Variants in HSD17B3 observed in about 807,000 individuals in gnomAD.
HSD17B3 encodes 17-beta-hydroxysteroid dehydrogenase type 3.
A neutral mutation model predicts 41.1 loss-of-function variants in HSD17B3; 29 were observed. The ratio of observed to expected loss-of-function variants is 0.71; its 90% CI spans 0.53 to 0.96. The LOEUF (loss-of-function observed/expected upper bound fraction) is 0.96. Ranked by LOEUF, HSD17B3 falls within the 40% of genes least tolerant of loss-of-function variation. HSD17B3 has a pLI of 0.00. For missense variants in HSD17B3, 323 were observed against 374.6 expected, an observed-to-expected ratio of 0.86 and a Z score of 1.14; for synonymous variants, 126 against 145.6, an observed-to-expected ratio of 0.87 and a Z score of 0.97.
chr9:96,280,312 G>A (rs1826638955), intron 2 of HSD17B3, among the ~76,000 whole-genome samples: 1 of 152,164 alleles, frequency 6.6e-6, no homozygotes, highest in Non-Finnish European at 1.5e-5. Flanking sequence ...AGAAGTGCCT[G>A]TACAACATTT....
At chr9:96,241,965 G>GAAAGAAAGAA (rs1554692353) in intron 9 of HSD17B3, among the ~76,000 whole-genome samples, 1 of 92,708 alleles carries the variant, frequency 1.1e-5, no homozygotes, top group Non-Finnish European at 2.2e-5. Context: ...AACAGAAAAA[G>GAAAGAAAGAA]AAAGAAAGAA....
chr9:96,245,231 G>C (rs1034359038), intron 8 of HSD17B3, 114 bp downstream of exon 8: 6 of 846,100 alleles, frequency 7.1e-6, no homozygotes, highest in Non-Finnish European at 1.2e-5. Flanking sequence ...CTGCACATAA[G>C]AGAGCATCTC....
chr9:96,266,347 A>T (rs1826042820), intron 2 of HSD17B3, among the ~76,000 whole-genome samples: 1 of 152,176 alleles, frequency 6.6e-6, no homozygotes, highest in Non-Finnish European at 1.5e-5. Flanking sequence ...ACCTAGGCTC[A>T]CCACAGCCTT....
intron 6 of HSD17B3, among the ~76,000 whole-genome samples, chr9:96,248,840 T>C (rs947971233): frequency 7.9e-5 from 12 of 152,186 alleles, no homozygotes; most frequent in African/African-American, 2.9e-4. Context: ...TACATCTTTG[T>C]GCAGCTGACC....
At chr9:96,259,774 A>G (rs897633646) in intron 2 of HSD17B3, among the ~76,000 whole-genome samples, 11 of 152,232 alleles carry the variant, frequency 7.2e-5, no homozygotes, top group African/African-American at 2.4e-4. Context: ...GAAGCCCTCA[A>G]TTGTGTTACT....
chr9:96,268,827 T>C (rs1432849871), intron 2 of HSD17B3, among the ~76,000 whole-genome samples: 1 of 152,094 alleles, frequency 6.6e-6, no homozygotes, highest in African/African-American at 2.4e-5. Context: ...TGCACCCCTG[T>C]AATCCCAGCT....
rs958813661 is a variant in HSD17B3 at position 96,265,610 on chromosome 9, A to G, written c.202-10667T>C. ...TTATGGTATTTTCAAGAGATAGCCTAAAAGAGAAAGTTAAAGTGAAAAGAA... is the reference window on the plus strand; with the variant it reads ...TTATGGTATTTTCAAGAGATAGCCTGAAAGAGAAAGTTAAAGTGAAAAGAA... On this transcript the variant is annotated intron_variant, in intron 2 of 10. Coordinates refer to ENST00000375263, the MANE Select transcript of HSD17B3 (RefSeq NM_000197.2). 2.8e-4 allele frequency among the ~76,000 whole-genome samples: 42 copies of G among 152,346 alleles called. 1 individual carries two copies. Among genetic ancestry groups the G allele is most frequent in the Admixed American group, 3.9e-4 (6 of 15,298 alleles).
chr9:96,257,338 T>G (rs1469124013), intron 2 of HSD17B3, among the ~76,000 whole-genome samples: 1 of 152,158 alleles, frequency 6.6e-6, no homozygotes, highest in Non-Finnish European at 1.5e-5. Context: ...TTGTAGAAGA[T>G]TCCAACAATG....
chr9:96,259,389 G>T (rs977584252), intron 2 of HSD17B3, among the ~76,000 whole-genome samples: 2 of 152,164 alleles, frequency 1.3e-5, no homozygotes, highest in East Asian at 1.9e-4. Context: ...ATCAGCGCAA[G>T]TCAGTTGTTG....
intron 2 of HSD17B3, among the ~76,000 whole-genome samples, chr9:96,259,300 A>G (rs7039978): frequency 0.57 from 86,456 of 152,046 alleles, 26,400 homozygotes; most frequent in African/African-American, 0.79. Flanking sequence ...CACTGCCATG[A>G]TGACCTGAAT....
chr9:96,237,033 A>C (rs1836262419), intron 10 of HSD17B3, among the ~76,000 whole-genome samples: 1 of 152,174 alleles, frequency 6.6e-6, no homozygotes, highest in Non-Finnish European at 1.5e-5. Context: ...TCTGGGAGCC[A>C]AAGCTGACCT....
Position 96,302,135 on chromosome 9 carries a change from G to C in HSD17B3, c.-31C>G. The C allele has an allele frequency of 6.2e-7, 1 of 1,611,186 alleles. No homozygotes were observed. Among genetic ancestry groups the C allele is most frequent in the Non-Finnish European group, 8.5e-7 (1 of 1,178,532 alleles). On this transcript the variant is annotated 5_prime_UTR_variant, in exon 1 of 11. Coordinates refer to ENST00000375263, the MANE Select transcript of HSD17B3 (RefSeq NM_000197.2). ...CACTCAACAGACTGTTTCAGCCCTG[G>C]CCGTGGCTCTCTGTGTATGCCTCCT...
intron 2 of HSD17B3, among the ~76,000 whole-genome samples, chr9:96,279,927 C>G (rs1387022262): frequency 2.0e-5 from 3 of 152,120 alleles, no homozygotes; most frequent in East Asian, 1.9e-4. Context: ...CCGCCACCAC[C>G]CCTGGCTAAT....
intron 9 of HSD17B3, among the ~76,000 whole-genome samples, chr9:96,243,024 A>G (rs1836513940): frequency 1.3e-5 from 2 of 152,350 alleles, no homozygotes; most frequent in Non-Finnish European, 2.9e-5. Context: ...AGGACCCACT[A>G]GAACTTCCCA....
intron 1 of HSD17B3, among the ~76,000 whole-genome samples, chr9:96,300,270 A>G (rs1013363318): frequency 1.3e-5 from 2 of 151,034 alleles, no homozygotes; most frequent in Non-Finnish European, 3.0e-5. Context: ...AGCAAATATA[A>G]GACGCAGAAG....
intron 2 of HSD17B3, among the ~76,000 whole-genome samples, chr9:96,265,693 T>C (rs1417845826): frequency 6.6e-6 from 1 of 152,156 alleles, no homozygotes; most frequent in East Asian, 1.9e-4. Context: ...TTAAAGCAAA[T>C]AAGTATTACT....
At chr9:96,293,474 TC>T (rs1176377810) in intron 2 of HSD17B3, among the ~76,000 whole-genome samples, 1 of 152,072 alleles carries the variant, frequency 6.6e-6, no homozygotes, top group African/African-American at 2.4e-5. Context: ...CACACCAGCC[TC>T]CATAACCATG....
chr9:96,290,162 C>G (rs906336981), intron 2 of HSD17B3, among the ~76,000 whole-genome samples: 2 of 152,122 alleles, frequency 1.3e-5, no homozygotes, highest in Non-Finnish European at 2.9e-5. Context: ...CCACCCCAGG[C>G]CCATCCCTCT....
intron 2 of HSD17B3, among the ~76,000 whole-genome samples, chr9:96,260,960 G>C (rs897336440): frequency 1.3e-5 from 2 of 152,056 alleles, no homozygotes; most frequent in East Asian, 1.9e-4. Context: ...TTCCCGTCTT[G>C]TTTCAGGTTT....
Sources: gnomAD v4.1 joint callset for allele counts (sites outside exome capture counted in the v4.1 genomes callset) on GRCh38, gnomAD v4.1.1 for gene constraint, MANE v1.5 for transcripts, NCBI Gene and HGNC (gene_info 2026-07-23, HGNC 2026-07-21) for gene names.